CLASP1: variants seen among roughly 807,000 people sequenced by gnomAD.
CLASP1 encodes the protein CLIP-associating protein 1.
A neutral mutation model predicts 192.3 loss-of-function variants in CLASP1; 38 were observed. The ratio of observed to expected loss-of-function variants is 0.20; its 90% CI spans 0.15 to 0.26. The LOEUF is 0.26. CLASP1 is among the 10% of genes least tolerant of loss of function. The pLI is 1.00. For missense variants in CLASP1, 1,433 were observed against 1,932.5 expected (o/e 0.74, Z 4.85); for synonymous variants, 691 against 712.8 (o/e 0.97, Z 0.49).
chr2:121,444,791 G>A (rs2149756133), intron 19 of CLASP1: 1 of 434,214 alleles, frequency 2.3e-6, no homozygotes, highest in South Asian at 1.9e-5. Context: ...ACCCAATGGC[G>A]ACAGAATGAA....
intron 12 of CLASP1, 128 bp from the exon 13 acceptor site, chr2:121,459,103 G>T: frequency 1.7e-6 from 1 of 602,414 alleles, no homozygotes; most frequent in Non-Finnish European, 2.6e-6. Flanking sequence ...GATTTCCGAT[G>T]TGCATGTTAA....
chr2:121,424,790 T>C (rs2080102575), intron 22 of CLASP1, among the ~76,000 whole-genome samples: 1 of 152,220 alleles, frequency 6.6e-6, no homozygotes. Context: ...TATAGGTTAA[T>C]GTCTACTTAG....
chr2:121,367,903 T>A, intron 34 of CLASP1, 72 bp from the exon 36 acceptor site: 1 of 1,565,250 alleles, frequency 6.4e-7, no homozygotes, highest in Non-Finnish European at 8.7e-7. Flanking sequence ...CTCAGAAATA[T>A]TAAGAAGGCC....
chr2:121,442,481 C>CTTTTTTTTTTTTTTTTTT (rs761873166), intron 19 of CLASP1, among the ~76,000 whole-genome samples: 81 of 144,428 alleles, frequency 5.6e-4, no homozygotes, highest in South Asian at 1.1e-3. Context: ...AAATTTCTTT[C>CTTTTTTTTTTTTTTTTTT]TTTTTTTTTT....
intron 37 of CLASP1, among the ~76,000 whole-genome samples, chr2:121,353,875 C>T (rs993049809): frequency 3.9e-5 from 6 of 152,168 alleles, no homozygotes; most frequent in African/African-American, 1.4e-4. Flanking sequence ...ACTGCAGCCT[C>T]GATCTCCTGG....
chr2:121,449,197 A>T, intron 16 of CLASP1, 77 bp from the exon 17 acceptor site: 2 of 1,325,978 alleles, frequency 1.5e-6, no homozygotes, highest in East Asian at 4.8e-5. Context: ...AGTACACCAC[A>T]GAAGATTTTC....
chr2:121,451,647 C>T, intron 15 of CLASP1, 143 bp downstream of exon 15: 1 of 642,980 alleles, frequency 1.6e-6, no homozygotes, highest in East Asian at 2.8e-5. Flanking sequence ...ATGTGGCCAA[C>T]ATCAGTAAAA....
At chr2:121,498,671 G>A (rs2093628425) in intron 8 of CLASP1, among the ~76,000 whole-genome samples, 1 of 152,198 alleles carries the variant, frequency 6.6e-6, no homozygotes, top group Non-Finnish European at 1.5e-5. Context: ...CATCTGGTAA[G>A]AGTCTGGTAT....
At chr2:121,342,667 G>A (rs1182001439) in intron 39 of CLASP1, among the ~76,000 whole-genome samples, 2 of 152,154 alleles carry the variant, frequency 1.3e-5, no homozygotes, top group Admixed American at 6.5e-5. Flanking sequence ...AAAATTGGCT[G>A]GGCATGGTCA....
chr2:121,367,768 C>T (rs1223391952), exon 35 of CLASP1: 1 of 1,613,844 alleles, frequency 6.2e-7, no homozygotes, highest in Non-Finnish European at 8.5e-7. Context: ...GTCCGGCCTC[C>T]TTCTACTTCA....
chr2:121,470,676 T>C (rs2149977521), intron 8 of CLASP1: 2 of 453,664 alleles, frequency 4.4e-6, no homozygotes, highest in South Asian at 1.6e-5. Flanking sequence ...GAATTTCCAA[T>C]AGTTTTAGGA....
chr2:121,598,294 G>A (rs1379383900), intron 2 of CLASP1, among the ~76,000 whole-genome samples: 1 of 152,230 alleles, frequency 6.6e-6, no homozygotes, highest in African/African-American at 2.4e-5. Context: ...GCTCACTGTA[G>A]ATGATTAGCA....
intron 2 of CLASP1, among the ~76,000 whole-genome samples, chr2:121,544,549 T>C (rs2095293741): frequency 6.6e-6 from 1 of 152,188 alleles, no homozygotes; most frequent in African/African-American, 2.4e-5. Context: ...ATACATGTTT[T>C]TTTAAAGGGG....
At chr2:121,442,481 C>CTTTTTTTTTTTTT (rs761873166) in intron 19 of CLASP1, among the ~76,000 whole-genome samples, 2,675 of 143,484 alleles carry the variant, frequency 0.019, 39 homozygotes, top group East Asian at 0.089. Flanking sequence ...AAATTTCTTT[C>CTTTTTTTTTTTTT]TTTTTTTTTT....
chr2:121,530,134 G>C (rs1387669755), intron 3 of CLASP1, 113 bp downstream of exon 3: 1 of 826,126 alleles, frequency 1.2e-6, no homozygotes, highest in Non-Finnish European at 1.9e-6. Context: ...GGGAGGGAGA[G>C]GGGGCTGGAG....
At chr2:121,546,465 T>C (rs1474348295) in intron 2 of CLASP1, among the ~76,000 whole-genome samples, 3 of 151,506 alleles carry the variant, frequency 2.0e-5, no homozygotes, top group African/African-American at 7.3e-5. Flanking sequence ...ACTCCACCCA[T>C]GGAAAACGGA....
intron 2 of CLASP1, among the ~76,000 whole-genome samples, chr2:121,573,432 T>G (rs377672634): frequency 2.0e-5 from 3 of 152,346 alleles, no homozygotes; most frequent in Non-Finnish European, 2.9e-5. Flanking sequence ...AGACAACTGT[T>G]AAATAACAAT....
At chr2:121,407,214 CAA>C (rs34241757) in intron 25 of CLASP1, among the ~76,000 whole-genome samples, 59 of 104,684 alleles carry the variant, frequency 5.6e-4, no homozygotes, top group African/African-American at 1.3e-3. Context: ...GATTCCATCT[CAA>C]AAAAAAAAAA....
intron 2 of CLASP1, among the ~76,000 whole-genome samples, chr2:121,563,033 A>C (rs1217785460): frequency 6.6e-6 from 1 of 152,120 alleles, no homozygotes; most frequent in Non-Finnish European, 1.5e-5. Flanking sequence ...GGGGATGGGC[A>C]ATGTACCTGC....
Sources: allele counts gnomAD v4.1 joint callset (sites outside exome capture counted in the v4.1 genomes callset), GRCh38; gene constraint gnomAD v4.1.1; transcripts MANE v1.5; gene names NCBI Gene and HGNC (gene_info 2026-07-23, HGNC 2026-07-21).